The following PREX2 variants were observed in gnomAD, a reference collection of about 807,000 sequenced individuals.
The protein encoded by PREX2 is phosphatidylinositol 3,4,5-trisphosphate-dependent Rac exchanger 2 protein.
In PREX2, 107 loss-of-function variants were observed where a neutral mutation model predicts 203.2. That is an observed-to-expected ratio of 0.53 (90% confidence interval 0.45 to 0.62). The LOEUF is 0.62. Ranked by LOEUF, PREX2 falls within the 20% of genes least tolerant of loss-of-function variation. PREX2 has a pLI of 0.00. For synonymous variants in PREX2, 672 were observed against 663.6 expected (o/e 1.01, Z -0.19); for missense variants, 1,777 against 1,955.9 (o/e 0.91, Z 1.72).
At chr8:68,076,018 T>C (rs765866712) in intron 14 of PREX2, among the ~76,000 whole-genome samples, 12 of 152,146 alleles carry the variant, frequency 7.9e-5, no homozygotes, top group Non-Finnish European at 1.8e-4. Flanking sequence ...GCAAGAGGTA[T>C]GGTATTGAGC....
intron 1 of PREX2, among the ~76,000 whole-genome samples, chr8:68,015,368 A>G (rs1807382805): frequency 6.6e-6 from 1 of 152,220 alleles, no homozygotes; most frequent in African/African-American, 2.4e-5. Context: ...TTGGTCAGAA[A>G]TGCTAACAAG....
chr8:68,206,742 A>G (rs1185431416), intron 37 of PREX2, among the ~76,000 whole-genome samples: 2 of 152,222 alleles, frequency 1.3e-5, no homozygotes, highest in Non-Finnish European at 2.9e-5. Context: ...TTGAGCAAGA[A>G]AAAACTGTGG....
intron 35 of PREX2, among the ~76,000 whole-genome samples, chr8:68,169,098 A>T (rs1811817984): frequency 6.6e-6 from 1 of 152,132 alleles, no homozygotes; most frequent in African/African-American, 2.4e-5. Context: ...TCCTGAAGAT[A>T]CCATTTCTCT....
At chr8:68,002,359 C>G (rs1806966806) in intron 1 of PREX2, among the ~76,000 whole-genome samples, 1 of 152,050 alleles carries the variant, frequency 6.6e-6, no homozygotes, top group East Asian at 1.9e-4. Context: ...GTTGGCCAGG[C>G]TGGTCTTTAA....
intron 25 of PREX2, among the ~76,000 whole-genome samples, chr8:68,114,682 T>C (rs1258073258): frequency 6.6e-6 from 1 of 152,206 alleles, no homozygotes; most frequent in Non-Finnish European, 1.5e-5. Context: ...GGAGGAGCTC[T>C]TTCTGTGGGC....
At chr8:67,974,638 T>G (rs1274628109) in intron 1 of PREX2, among the ~76,000 whole-genome samples, 2 of 152,164 alleles carry the variant, frequency 1.3e-5, no homozygotes, top group Non-Finnish European at 2.9e-5. Flanking sequence ...TGAGAACATT[T>G]TCCTACTATT....
chr8:68,053,015 T>G, intron 8 of PREX2, 82 bp from the exon 9 acceptor site: 1 of 1,284,180 alleles, frequency 7.8e-7, no homozygotes, highest in Non-Finnish European at 1.1e-6. Flanking sequence ...GTTTTGGAAC[T>G]TTTGTGTATT....
intron 38 of PREX2, among the ~76,000 whole-genome samples, chr8:68,220,747 C>G (rs1180005810): frequency 6.6e-6 from 1 of 152,094 alleles, no homozygotes; most frequent in Non-Finnish European, 1.5e-5. Context: ...AAAATAGTAC[C>G]TAGTACAAAG....
chr8:68,018,721 A>G (rs1471277032), intron 2 of PREX2, among the ~76,000 whole-genome samples: 1 of 152,120 alleles, frequency 6.6e-6, no homozygotes, highest in Admixed American at 6.5e-5. Context: ...AACTGTGAAC[A>G]GTCTTGAAAA....
At chr8:68,181,614 T>A (rs1336071977) in intron 35 of PREX2, among the ~76,000 whole-genome samples, 2 of 152,118 alleles carry the variant, frequency 1.3e-5, no homozygotes, top group Non-Finnish European at 2.9e-5. Context: ...TGTTTTGTGA[T>A]GGAGAAAATT....
intron 35 of PREX2, among the ~76,000 whole-genome samples, chr8:68,179,074 G>T (rs1169540201): frequency 6.6e-6 from 1 of 151,994 alleles, no homozygotes; most frequent in Non-Finnish European, 1.5e-5. Context: ...TTGTGATGTG[G>T]CCCTACTGTG....
intron 1 of PREX2, among the ~76,000 whole-genome samples, chr8:67,967,765 G>A (rs1020339001): frequency 6.6e-6 from 1 of 152,138 alleles, no homozygotes; most frequent in Non-Finnish European, 1.5e-5. Context: ...CTTATTTAAG[G>A]CCTTTCCCTG....
intron 1 of PREX2, among the ~76,000 whole-genome samples, chr8:68,006,773 T>G (rs935824139): frequency 1.3e-5 from 2 of 152,228 alleles, no homozygotes; most frequent in African/African-American, 2.4e-5. Context: ...AAAATGTTGG[T>G]TCTTGAGGAC....
intron 37 of PREX2, among the ~76,000 whole-genome samples, chr8:68,207,676 A>G (rs76814197): frequency 0.11 from 16,043 of 152,078 alleles, 920 homozygotes; most frequent in African/African-American, 0.14. Context: ...CAATCCTGAA[A>G]ACAACACTGT....
chr8:68,148,453 G>A (rs1291413639), intron 34 of PREX2, among the ~76,000 whole-genome samples: 1 of 151,958 alleles, frequency 6.6e-6, no homozygotes, highest in Admixed American at 6.6e-5. Context: ...ATGACAGATG[G>A]CACTAAGCAT....
intron 34 of PREX2, among the ~76,000 whole-genome samples, chr8:68,150,263 G>C (rs1811408595): frequency 6.6e-6 from 1 of 152,162 alleles, no homozygotes; most frequent in Admixed American, 6.5e-5. Flanking sequence ...TTTCTGGATG[G>C]GGGAGGGGAT....
At chr8:67,995,025 T>C (rs929607240) in intron 1 of PREX2, among the ~76,000 whole-genome samples, 4 of 152,158 alleles carry the variant, frequency 2.6e-5, no homozygotes, top group African/African-American at 9.6e-5. Flanking sequence ...ATTCTTTTCT[T>C]TCCTATTTTC....
rs533278837 is a variant in PREX2, at chr8:68,115,778, C to T, written c.3172C>T (p.Pro1058Ser). Residue 1058 changes from proline to serine, a missense_variant, in exon 26 of 40, where the codon CCT becomes TCT. Physicochemically the swap from Pro to Ser is moderately conservative, Grantham distance 74. Coordinates refer to ENST00000288368, the MANE Select transcript of PREX2 (RefSeq NM_024870.4). ...DDLLSSITYS[P>S]KLERKTSEGI... ...CCTTCTGTCTTCAATAACATATTCT[C>T]CTAAATTAGAACGTAAGACATCAGA... The T allele has an allele frequency of 3.7e-6, 6 of 1,608,766 alleles. No homozygotes were observed. In the African/African-American group the frequency reaches 8.0e-5, roughly 22 times the overall value.
At chr8:68,231,295 C>T (rs941628868) in intron 39 of PREX2, 38 bp from the exon 40 acceptor site, 2 of 1,518,036 alleles carry the variant, frequency 1.3e-6, no homozygotes, top group Non-Finnish European at 1.8e-6. Flanking sequence ...AATGGTAATA[C>T]ACTAAGTCAC....
Sources: gnomAD v4.1 joint callset for allele counts (sites outside exome capture counted in the v4.1 genomes callset) on GRCh38, gnomAD v4.1.1 for gene constraint, MANE v1.5 for transcripts, NCBI Gene and HGNC (gene_info 2026-07-23, HGNC 2026-07-21) for gene names.